The following ABCC12 variants were observed in gnomAD, a reference collection of about 807,000 sequenced individuals.
ABCC12 encodes the protein ATP binding cassette subfamily C member 12, also known as ATP-binding cassette sub-family C member 12.
Under a neutral mutation model 151.1 loss-of-function variants are expected in ABCC12, and 142 were observed. The observed-to-expected ratio is 0.94, with a 90% CI of 0.82 to 1.08. ABCC12 has a LOEUF of 1.08. ABCC12 is among the 50% of genes least tolerant of loss of function. The pLI is 0.00. For missense variants in ABCC12, 1,638 were observed against 1,691.1 expected, an observed-to-expected ratio of 0.97 and a Z score of 0.55; for synonymous variants, 645 against 646.4, an observed-to-expected ratio of 1.00 and a Z score of 0.03.
chr16:48,132,760 A>C (rs1441688335), intron 9 of ABCC12, among the ~76,000 whole-genome samples: 1 of 152,200 alleles, frequency 6.6e-6, no homozygotes, highest in African/African-American at 2.4e-5. Flanking sequence ...GCTAAGAAGA[A>C]TAGCTGACAC....
Position 48,141,217 on chromosome 16 carries a change from C to T in ABCC12, c.412G>A (p.Ala138Thr), listed in dbSNP as rs200542822. 1.1e-5 allele frequency: 18 copies of T among 1,614,016 alleles called. No homozygotes were observed. ...VANILCIIMA[A>T]IGPTVLIHQI... ...GCTGCCGCACTCACCGGCCCTATGG[C>T]TGCCATGATGATGCACAGGATGTTG... Residue 138 changes from alanine to threonine, a missense_variant, in exon 5 of 31, where the codon GCC becomes ACC. Coordinates refer to ENST00000311303, the MANE Select transcript of ABCC12 (RefSeq NM_001393797.1).
chr16:48,095,486 A>T (rs1445089790), intron 24 of ABCC12, among the ~76,000 whole-genome samples: 1 of 144,830 alleles, frequency 6.9e-6, no homozygotes, highest in Non-Finnish European at 1.5e-5. Context: ...GCATCCATGT[A>T]AAAAATGATT....
intron 9 of ABCC12, 143 bp downstream of exon 9, chr16:48,133,544 A>AAT (rs967654201): frequency 6.7e-6 from 6 of 896,730 alleles, no homozygotes; most frequent in Admixed American, 3.1e-5. Context: ...AAAAAAAAAA[A>AAT]GTTGGAGTTG....
chr16:48,095,420 TG>T (rs1358278810), intron 24 of ABCC12, among the ~76,000 whole-genome samples: 1 of 152,194 alleles, frequency 6.6e-6, no homozygotes, highest in East Asian at 1.9e-4. Flanking sequence ...ATCAGCAGTG[TG>T]AGAACTAACA....
intron 8 of ABCC12, among the ~76,000 whole-genome samples, chr16:48,136,995 G>C (rs1179576605): frequency 6.6e-6 from 1 of 152,210 alleles, no homozygotes; most frequent in Non-Finnish European, 1.5e-5. Context: ...ATAATCTTAA[G>C]TGTGATAAGA....
intron 11 of ABCC12, among the ~76,000 whole-genome samples, chr16:48,126,574 T>C (rs977610229): frequency 1.3e-5 from 2 of 152,218 alleles, no homozygotes; most frequent in Non-Finnish European, 2.9e-5. Context: ...AGCTAAGACT[T>C]ACTATGGGCT....
chr16:48,107,320 A>G lies in ABCC12; in HGVS notation c.2475+2T>C, dbSNP rs201906779. 2.9e-4 allele frequency: 469 copies of G among 1,613,854 alleles called. 4 individuals carry two copies. Among genetic ancestry groups the G allele is most frequent in the East Asian group, 1.8e-3 (81 of 44,872 alleles). ...ATCTTCCAATGCCAAAGGGAAACTC[A>G]CCCGTGAGCCCTTGTCCAACCAGAG... On this transcript the variant is annotated splice_donor_variant, in intron 20 of 30. Transcript: ENST00000311303. LOFTEE classifies it high-confidence loss of function.
In ABCC12 at chr16:48,088,074, A is replaced by G; in HGVS notation, c.3487T>C (p.Leu1163=). The G allele has an allele frequency of 1.2e-6, 2 of 1,613,814 alleles. No homozygotes were observed. The highest frequency in any genetic ancestry group is 1.7e-6 in the Non-Finnish European group (2 of 1,179,858). Residue 1163 remains leucine, a synonymous_variant, in exon 27 of 31, where the codon TTA becomes CTA. Transcript: ENST00000311303. ...VGRTGSGKSS[L]GMALFRLVEP... ...ACCAGACGAAACAAAGCCATTCCTA[A>G]CGATGACTTTCCTGGGAACCATAAA...
Position 48,083,930 on chromosome 16 carries a change from G to A in ABCC12, c.3972C>T (p.Val1324=). The A allele has an allele frequency of 1.2e-6, 2 of 1,612,484 alleles. No individual in the cohort carries two copies. Among genetic ancestry groups the A allele is most frequent in the Non-Finnish European group, 1.7e-6 (2 of 1,179,626 alleles). The stretch of plus-strand genomic sequence containing the variant: ...ATACCTTCCCATTTTCCATAACCAG[G>A]ACGTGATCGCAGTTGAGAACTGTGT... The part of the protein sequence containing the change: ...RLNTVLNCDH[V]LVMENGKVIE... The change falls in exon 30 of 31, where the codon GTC becomes GTT. Residue 1324 remains valine, a synonymous_variant. Transcript: ENST00000311303.
At chr16:48,107,078 GTC>G (rs2150609746) in intron 20 of ABCC12, among the ~76,000 whole-genome samples, 1 of 152,352 alleles carries the variant, frequency 6.6e-6, no homozygotes, top group Admixed American at 6.5e-5. Flanking sequence ...CTGGGGCACA[GTC>G]TTCTTTAGTC....
intron 23 of ABCC12, among the ~76,000 whole-genome samples, chr16:48,098,090 GACACACACACAC>G (rs66949388): frequency 2.9e-3 from 351 of 121,968 alleles, no homozygotes; most frequent in African/African-American, 9.1e-3. Flanking sequence ...TGCCCCACCT[GACACACACACAC>G]ACACACACAC....
chr16:48,128,764 G>A (rs375615906), intron 10 of ABCC12, 27 bp from the exon 11 acceptor site: 1 of 1,599,656 alleles, frequency 6.3e-7, no homozygotes. Flanking sequence ...AAAATTAACT[G>A]AGCAGATGTC....
intron 24 of ABCC12, among the ~76,000 whole-genome samples, chr16:48,091,892 G>A (rs1364600477): frequency 2.6e-5 from 4 of 152,216 alleles, no homozygotes; most frequent in Non-Finnish European, 4.4e-5. Flanking sequence ...CTTTGCAGGT[G>A]TTAGCAAGGA....
intron 11 of ABCC12, among the ~76,000 whole-genome samples, chr16:48,125,676 C>T (rs1484512286): frequency 6.6e-6 from 1 of 152,208 alleles, no homozygotes; most frequent in African/African-American, 2.4e-5. Flanking sequence ...TGTAGGCCTG[C>T]TCCCTGCAAT....
chr16:48,145,804 A>T (rs1317932526), intron 3 of ABCC12, among the ~76,000 whole-genome samples: 1 of 152,238 alleles, frequency 6.6e-6, no homozygotes, highest in Non-Finnish European at 1.5e-5. Flanking sequence ...CCTGGTCAAG[A>T]CCAAATGAAC....
At chr16:48,139,041 A>G in intron 7 of ABCC12, 122 bp downstream of exon 7, 1 of 1,160,738 alleles carries the variant, frequency 8.6e-7, no homozygotes, top group South Asian at 1.6e-5. Flanking sequence ...AAGGAAGTAA[A>G]TCTGTGAGTA....
At chr16:48,100,811 T>C in intron 23 of ABCC12, 61 bp downstream of exon 23, 1 of 1,569,364 alleles carries the variant, frequency 6.4e-7, no homozygotes, top group Non-Finnish European at 8.6e-7. Context: ...TCCTGTGCAC[T>C]CCCCATCGGA....
At chr16:48,098,149 T>C (rs1349724575) in intron 23 of ABCC12, among the ~76,000 whole-genome samples, 1 of 145,078 alleles carries the variant, frequency 6.9e-6, no homozygotes, top group East Asian at 2.1e-4. Context: ...AGCATAGCCT[T>C]GCCACACCAA....
At chr16:48,137,076 G>A (rs1964635095) in intron 8 of ABCC12, among the ~76,000 whole-genome samples, 1 of 152,214 alleles carries the variant, frequency 6.6e-6, no homozygotes, top group African/African-American at 2.4e-5. Flanking sequence ...TGACTGCTGA[G>A]TGCACAATGG....
Sources: gnomAD v4.1 joint callset for allele counts (sites outside exome capture counted in the v4.1 genomes callset) on GRCh38, gnomAD v4.1.1 for gene constraint, MANE v1.5 for transcripts, NCBI Gene and HGNC (gene_info 2026-07-23, HGNC 2026-07-21) for gene names.